Variants in KCTD14 observed in about 807,000 individuals in gnomAD.
The protein encoded by KCTD14 is potassium channel tetramerization domain containing 14, also known as BTB/POZ domain-containing protein KCTD14.
Under a neutral mutation model 5.9 loss-of-function variants are expected in KCTD14, and 7 were observed. The observed-to-expected ratio is 1.19, with a 90% CI of 0.68 to 2.23. The LOEUF is 2.23. Among genes scored for constraint, KCTD14 ranks in the 30% most tolerant of loss-of-function variants. The pLI is 0.00. For synonymous variants in KCTD14, 140 were observed against 133.1 expected (o/e 1.05, Z -0.36); for missense variants, 342 against 332.2 (o/e 1.03, Z -0.23).
chr11:78,029,813 G>A lies in KCTD14; in HGVS notation c.-1+8851C>T, dbSNP rs199880009. Among the ~76,000 whole-genome samples the A allele has an allele frequency of 1.2e-4, 17 of 145,742 alleles. No individual in the cohort carries two copies. The East Asian group carries it at 3.0e-3, about 26-fold the overall frequency. On this transcript the variant is annotated intron_variant, in intron 2 of 2. Transcript: ENST00000533144. ...TTTTTTTTTTTTGAGACGGAGTCTC[G>A]CTCTGTCCCCCAGGCTGGAGTGCAG...
At chr11:78,024,384 A>C (rs1256448297), upstream of KCTD14, among the ~76,000 whole-genome samples, 118 of 11,956 alleles carry the variant, frequency 9.9e-3, no homozygotes, top group Admixed American at 0.016. Flanking sequence ...CCCTCTCAAA[A>C]AAAAAAAAAA....
At chr11:78,027,851 A>G (rs1218980284), upstream of KCTD14, among the ~76,000 whole-genome samples, 1 of 152,094 alleles carries the variant, frequency 6.6e-6, no homozygotes, top group Admixed American at 6.6e-5. Flanking sequence ...ATAGATTGCA[A>G]ATATTTCTTA....
rs778501163 is a variant in KCTD14, at chr11:78,016,740, G to C, written c.621C>G (p.Val207=). 1 of 1,614,162 alleles carries C rather than the reference G, an allele frequency of 6.2e-7. No homozygotes were observed. The change falls in exon 2 of 2, where the codon GTC becomes GTG. Residue 207 remains valine (V), a synonymous_variant. Transcript: ENST00000353172. ...AGTGCATGAGGTCGCTGTTGTCTAG[G>C]ACCGCCTTCCAGGGCCCAAACTTGA... ...SVVKFGPWKA[V]LDNSDLMHCL... is the part of the protein sequence containing the mutation.
chr11:78,042,778 C>T (rs1323950336), intron 1 of KCTD14, among the ~76,000 whole-genome samples: 1 of 152,140 alleles, frequency 6.6e-6, no homozygotes, highest in African/African-American at 2.4e-5. Context: ...GAAAGGCTCC[C>T]GAGTGGGTCT....
chr11:78,031,922 A>G (rs1186617798), intron 2 of KCTD14, among the ~76,000 whole-genome samples: 1 of 152,260 alleles, frequency 6.6e-6, no homozygotes, highest in African/African-American at 2.4e-5. Context: ...AAGAGCCCAT[A>G]GGTAATGGTG....
At chr11:78,036,963 T>C (rs967029368) in intron 2 of KCTD14, among the ~76,000 whole-genome samples, 2 of 152,248 alleles carry the variant, frequency 1.3e-5, no homozygotes, top group African/African-American at 4.8e-5. Flanking sequence ...AAGTACATGC[T>C]GTTGTCCCAT....
rs150340657 is a variant in KCTD14 at position 78,031,196 on chromosome 11, C to T, written c.-1+7468G>A. On this transcript the variant is annotated intron_variant, in intron 2 of 2. Coordinates refer to the KCTD14 transcript ENST00000533144. ...TAGCCTCCCAAGTAGCTGGGATTAC[C>T]GCTAACACCCAGCTAATTTTTTTTA... is the stretch of plus-strand genomic sequence containing the variant. Among the ~76,000 whole-genome samples the T allele has an allele frequency of 1.6e-4, 24 of 150,610 alleles. 1 individual carries two copies. The highest frequency in any genetic ancestry group is 1.5e-3 in the Admixed American group (22 of 15,074).
At chr11:78,023,092 G>T in intron 1 of KCTD14, 68 bp downstream of exon 1, 1 of 1,077,692 alleles carries the variant, frequency 9.3e-7, no homozygotes, top group Non-Finnish European at 1.3e-6. Flanking sequence ...GAAACTGGAA[G>T]GGAGGGAAGA....
rs1359192330 is a variant in KCTD14 at position 78,016,929 on chromosome 11, G to T, written c.432C>A (p.Gly144=). 1 of 1,614,214 alleles carries T rather than the reference G, an allele frequency of 6.2e-7. No homozygotes were observed. The highest frequency in any genetic ancestry group is 1.1e-5 in the South Asian group (1 of 91,086). Residue 144 remains glycine (G), a synonymous_variant, in exon 2 of 2, where the codon GGC becomes GGA. Coordinates refer to ENST00000353172, the MANE Select transcript of KCTD14 (RefSeq NM_023930.4). ...CCATGAGCTCCAGGTTCTCGCTGTA[G>T]CCCGGCACTTGCAGCAAAAACTGCT... ...SRKQFLLQVP[G]YSENLELMVR...
chr11:78,039,026 A>G (rs952943872), intron 1 of KCTD14, among the ~76,000 whole-genome samples: 3 of 146,736 alleles, frequency 2.0e-5, no homozygotes, highest in Non-Finnish European at 4.5e-5. Flanking sequence ...AAGGGAGAAT[A>G]TGGGGCTAGG....
At chr11:78,031,829 C>T (rs1478991260) in intron 2 of KCTD14, among the ~76,000 whole-genome samples, 1 of 152,202 alleles carries the variant, frequency 6.6e-6, no homozygotes, top group African/African-American at 2.4e-5. Flanking sequence ...TGAATAACCA[C>T]AGAAATGAAT....
intron 2 of KCTD14, among the ~76,000 whole-genome samples, chr11:78,034,541 T>C (rs1857733133): frequency 6.6e-6 from 1 of 152,098 alleles, no homozygotes; most frequent in Non-Finnish European, 1.5e-5. Context: ...TCTTTCTTTC[T>C]TTCTTTCAAG....
At chr11:78,031,774 C>T (rs979635187) in intron 2 of KCTD14, among the ~76,000 whole-genome samples, 1 of 152,122 alleles carries the variant, frequency 6.6e-6, no homozygotes, top group African/African-American at 2.4e-5. Flanking sequence ...AGCAGTGAAC[C>T]AGGGGACAAG....
At chr11:78,030,651 A>C (rs537710057) in intron 2 of KCTD14, among the ~76,000 whole-genome samples, 13 of 152,216 alleles carry the variant, frequency 8.5e-5, no homozygotes, top group Admixed American at 8.5e-4. Flanking sequence ...TCAGGAGACA[A>C]TGCGGCCAGC....
upstream of KCTD14, among the ~76,000 whole-genome samples, chr11:78,024,076 G>C (rs79975965): frequency 2.5e-3 from 386 of 152,226 alleles, 1 homozygote; most frequent in African/African-American, 9.2e-3. Context: ...TTTATGGGGA[G>C]AATATGGAAG....
chr11:78,027,647 C>T (rs1237482435), upstream of KCTD14, among the ~76,000 whole-genome samples: 2 of 151,952 alleles, frequency 1.3e-5, no homozygotes, highest in Non-Finnish European at 2.9e-5. Context: ...AGGCGTGAGC[C>T]ACCACTCCCA....
In KCTD14 at chr11:78,023,266, A is replaced by G. The variant is rs748908287; in HGVS notation, c.-17T>C. On this transcript the variant is annotated 5_prime_UTR_variant, in exon 1 of 2. Coordinates refer to ENST00000353172, the MANE Select transcript of KCTD14 (RefSeq NM_023930.4). ...CTGCCACATGCAGATCACTTGGGCC[A>G]GCGGAAGTGCCCCTGGCTGCCCGCC... 6.2e-7 allele frequency: 1 copy of G among 1,607,984 alleles called. No individual in the cohort carries two copies. Among genetic ancestry groups the G allele is most frequent in the South Asian group, 1.1e-5 (1 of 90,972 alleles).
intron 2 of KCTD14, among the ~76,000 whole-genome samples, chr11:78,038,014 G>C (rs1857866324): frequency 7.0e-6 from 1 of 143,506 alleles, no homozygotes; most frequent in Admixed American, 7.0e-5. Flanking sequence ...AAAAATCAGT[G>C]CTACCTGACT....
intron 1 of KCTD14, among the ~76,000 whole-genome samples, chr11:78,019,399 G>C (rs567620646): frequency 5.3e-5 from 8 of 151,876 alleles, no homozygotes; most frequent in Non-Finnish European, 1.2e-4. Flanking sequence ...ACTCACTGCA[G>C]CCTTGAACTT....
Sources: gnomAD v4.1 joint callset for allele counts (sites outside exome capture counted in the v4.1 genomes callset) on GRCh38, gnomAD v4.1.1 for gene constraint, MANE v1.5 for transcripts, NCBI Gene and HGNC (gene_info 2026-07-23, HGNC 2026-07-21) for gene names.